The following PPM1D variants were observed in gnomAD, a reference collection of about 807,000 sequenced individuals.
PPM1D encodes the protein protein phosphatase 1D.
In PPM1D, 52 loss-of-function variants were observed where a neutral mutation model predicts 58.3. That is an observed-to-expected ratio of 0.89 (90% CI 0.71 to 1.12). The LOEUF is 1.12. Among genes scored for constraint, PPM1D ranks in the 50% most tolerant of loss-of-function variants. The pLI, the probability that PPM1D is intolerant of heterozygous loss-of-function variation, is 0.00. For missense variants in PPM1D, 564 were observed against 777.2 expected, an observed-to-expected ratio of 0.73 and a Z score of 3.26; for synonymous variants, 278 against 285.1, an observed-to-expected ratio of 0.98 and a Z score of 0.25.
chr17:60,645,612 GTATATATA>G (rs369188839), intron 3 of PPM1D, among the ~76,000 whole-genome samples: 1 of 131,522 alleles, frequency 7.6e-6, no homozygotes, highest in African/African-American at 3.2e-5. Context: ...ATATATGTGT[GTATATATA>G]TATGTATATG....
chr17:60,645,560 GTGTATATA>G (rs2031228890), intron 3 of PPM1D, among the ~76,000 whole-genome samples: 1 of 137,168 alleles, frequency 7.3e-6, no homozygotes, highest in African/African-American at 2.9e-5. Flanking sequence ...ATATATGTGT[GTGTATATA>G]TATGTATATA....
At chr17:60,647,485 A>T (rs2031270195) in intron 3 of PPM1D, among the ~76,000 whole-genome samples, 1 of 152,162 alleles carries the variant, frequency 6.6e-6, no homozygotes, top group Non-Finnish European at 1.5e-5. Flanking sequence ...CCATGTATAA[A>T]TGAAATTATC....
chr17:60,610,480 A>T (rs1347271893), intron 1 of PPM1D, among the ~76,000 whole-genome samples: 2 of 152,240 alleles, frequency 1.3e-5, no homozygotes, highest in Non-Finnish European at 2.9e-5. Context: ...ATTTATAATT[A>T]AAAACAATGA....
At chr17:60,633,681 C>T (rs1361601929) in intron 2 of PPM1D, among the ~76,000 whole-genome samples, 172 bp from the exon 3 acceptor site, 1 of 152,114 alleles carries the variant, frequency 6.6e-6, no homozygotes, top group Non-Finnish European at 1.5e-5. Flanking sequence ...TTGAATCTAC[C>T]CTAATTCCTC....
intron 2 of PPM1D, among the ~76,000 whole-genome samples, chr17:60,631,120 A>T (rs1196778304): frequency 6.6e-6 from 1 of 151,958 alleles, no homozygotes; most frequent in African/African-American, 2.4e-5. Flanking sequence ...GGATGGGAGG[A>T]TGGCTTGAGC....
In PPM1D at chr17:60,640,184, G is replaced by A. The variant is rs1413469309; in HGVS notation, c.826+6207G>A. On this transcript the variant is annotated intron_variant, in intron 3 of 5. Coordinates refer to ENST00000305921, the MANE Select transcript of PPM1D (RefSeq NM_003620.4). The stretch of plus-strand genomic sequence containing the variant: ...GAATTGGCTGGGCGTGGTTGCACGC[G>A]CTTGTAGTCTCAGTTACTCAGGAGG... Among the ~76,000 whole-genome samples, 15 of 152,238 alleles carry A rather than the reference G, an allele frequency of 9.9e-5. No homozygotes were observed. The South Asian group carries it at 3.1e-3, about 32-fold the overall frequency.
intron 4 of PPM1D, among the ~76,000 whole-genome samples, chr17:60,653,712 A>G (rs1449401073): frequency 1.3e-5 from 2 of 152,182 alleles, no homozygotes; most frequent in Admixed American, 1.3e-4. Context: ...TTCTTTCATC[A>G]GTATTTTCTA....
At chr17:60,635,203 T>G (rs1185729427) in intron 3 of PPM1D, among the ~76,000 whole-genome samples, 1 of 152,130 alleles carries the variant, frequency 6.6e-6, no homozygotes, top group Non-Finnish European at 1.5e-5. Flanking sequence ...AATATTTCCT[T>G]ATATACACAT....
chr17:60,620,444 G>T (rs997840445), intron 1 of PPM1D, among the ~76,000 whole-genome samples: 2 of 152,118 alleles, frequency 1.3e-5, no homozygotes, highest in Admixed American at 1.3e-4. Flanking sequence ...TCATTTTGTT[G>T]ATGGTTTCCT....
intron 5 of PPM1D, among the ~76,000 whole-genome samples, 162 bp from the exon 6 acceptor site, chr17:60,662,833 C>T (rs1329379767): frequency 2.6e-5 from 4 of 152,182 alleles, no homozygotes; most frequent in Non-Finnish European, 5.9e-5. Context: ...TCCCATTAAA[C>T]CTTAACACAT....
chr17:60,600,420 G>T lies in PPM1D; in HGVS notation c.6G>T (p.Ala2=). 1 of 1,548,372 alleles carries T rather than the reference G, an allele frequency of 6.5e-7. No homozygotes were observed. Among genetic ancestry groups the T allele is most frequent in the Non-Finnish European group, 8.7e-7 (1 of 1,146,728 alleles). The change falls in exon 1 of 6, where the codon GCG becomes GCT. Residue 2 remains alanine (A), a synonymous_variant. Transcript: ENST00000305921. ...GGGATCCCGGCCAGCCGGCCATGGC[G>T]GGGCTGTACTCGCTGGGAGTGAGCG... M[A]GLYSLGVSVF...
chr17:60,625,726 G>T (rs1456769542), intron 2 of PPM1D, among the ~76,000 whole-genome samples: 1 of 152,218 alleles, frequency 6.6e-6, no homozygotes, highest in Admixed American at 6.5e-5. Context: ...AATGTTTATG[G>T]TCACAAAAAA....
chr17:60,639,854 GA>G (rs1368327079), intron 3 of PPM1D, among the ~76,000 whole-genome samples: 1 of 152,212 alleles, frequency 6.6e-6, no homozygotes, highest in Non-Finnish European at 1.5e-5. Context: ...GGAGGTTAAG[GA>G]GGAAGAAAGT....
chr17:60,613,638 G>T (rs999592835), intron 1 of PPM1D, among the ~76,000 whole-genome samples: 1 of 152,242 alleles, frequency 6.6e-6, no homozygotes, highest in Admixed American at 6.5e-5. Context: ...GGGAACTGGG[G>T]CTGCGTGCTG....
intron 3 of PPM1D, among the ~76,000 whole-genome samples, chr17:60,643,791 C>T (rs142656339): frequency 6.1e-4 from 93 of 151,986 alleles, no homozygotes; most frequent in Non-Finnish European, 9.6e-4. Flanking sequence ...TGAGTTTACC[C>T]GTTCATGAAC....
chr17:60,611,170 C>T (rs893626330), intron 1 of PPM1D, among the ~76,000 whole-genome samples: 2 of 151,718 alleles, frequency 1.3e-5, no homozygotes, highest in Non-Finnish European at 2.9e-5. Flanking sequence ...TACAAGCATG[C>T]ACCACCACCC....
At chr17:60,619,594 A>C (rs747743709) in intron 1 of PPM1D, among the ~76,000 whole-genome samples, 7 of 151,810 alleles carry the variant, frequency 4.6e-5, no homozygotes, top group Non-Finnish European at 8.8e-5. Context: ...GTGTGAGGTT[A>C]TCTCTCTCTT....
At chr17:60,642,771 TA>T (rs1350922230) in intron 3 of PPM1D, among the ~76,000 whole-genome samples, 1 of 152,062 alleles carries the variant, frequency 6.6e-6, no homozygotes, top group East Asian at 2.0e-4. Flanking sequence ...AACTCTTCTT[TA>T]AAAAAGATTT....
intron 1 of PPM1D, among the ~76,000 whole-genome samples, chr17:60,617,475 A>G (rs991711972): frequency 1.3e-5 from 2 of 151,782 alleles, no homozygotes; most frequent in African/African-American, 4.8e-5. Context: ...CCAGGAGGTC[A>G]AGGTTGTAGT....
Sources: gnomAD v4.1 joint callset for allele counts (sites outside exome capture counted in the v4.1 genomes callset) on GRCh38, gnomAD v4.1.1 for gene constraint, MANE v1.5 for transcripts, NCBI Gene and HGNC (gene_info 2026-07-23, HGNC 2026-07-21) for gene names.